Variants in VAT1L observed in about 807,000 individuals in gnomAD.
VAT1L encodes vesicle amine transport 1 like, also known as putative NADPH-dependent quinone oxidoreductase VAT1L.
VAT1L carries 34 observed loss-of-function variants against 44.1 expected under a neutral mutation model. That is an observed-to-expected ratio of 0.77 (90% CI 0.59 to 1.03). The LOEUF is 1.03. Among genes scored for constraint, VAT1L ranks in the 50% least tolerant of loss-of-function variants. The probability of loss-of-function intolerance (pLI) is 0.00; values close to 1 mark genes in which losing one functional copy is unlikely to be tolerated. For missense variants in VAT1L, 615 were observed against 538.8 expected, an observed-to-expected ratio of 1.14 and a Z score of -1.40; for synonymous variants, 253 against 202.2, an observed-to-expected ratio of 1.25 and a Z score of -2.13.
intron 7 of VAT1L, among the ~76,000 whole-genome samples, chr16:77,950,420 ACAC>A (rs2018028691): frequency 2.2e-5 from 1 of 45,680 alleles, no homozygotes; most frequent in African/African-American, 7.3e-5. Context: ...ACACACACAC[ACAC>A]ACACACACAC....
chr16:77,894,077 C>G (rs379930), intron 7 of VAT1L, among the ~76,000 whole-genome samples: 136,967 of 152,220 alleles, frequency 0.9, 62,096 homozygotes, highest in Non-Finnish European at 0.95. Flanking sequence ...AACCAGCTTT[C>G]AGACCTAGGC....
At chr16:77,896,390 T>C (rs2017325432) in intron 7 of VAT1L, among the ~76,000 whole-genome samples, 1 of 150,896 alleles carries the variant, frequency 6.6e-6, no homozygotes, top group South Asian at 2.2e-4. Flanking sequence ...GACATGTGCA[T>C]GGGCAATTTC....
At chr16:77,972,737 C>T (rs1330329806) in intron 8 of VAT1L, among the ~76,000 whole-genome samples, 2 of 151,578 alleles carry the variant, frequency 1.3e-5, no homozygotes, top group African/African-American at 2.4e-5. Context: ...GCCGTGATTG[C>T]GTCATTGCAC....
rs1298502405 is a variant in VAT1L, at chr16:77,890,769, A to C, written c.1077+5967A>C. On this transcript the variant is annotated intron_variant, in intron 7 of 8. Transcript: ENST00000302536. ...GATACCCCATCTCTACTAAAACTAC[A>C]AAATATTAGCCAGGCGTGGTGGTAC... Among the ~76,000 whole-genome samples the C allele has an allele frequency of 4.0e-5, 6 of 151,152 alleles. No homozygotes were observed. In the South Asian group the frequency reaches 1.1e-3, roughly 26 times the overall value.
chr16:77,848,914 A>G (rs2016782325), intron 3 of VAT1L, among the ~76,000 whole-genome samples: 1 of 152,214 alleles, frequency 6.6e-6, no homozygotes, highest in Non-Finnish European at 1.5e-5. Context: ...GCTGGAAACC[A>G]TCATTCTCAG....
At chr16:77,954,043 G>A (rs2018074566) in intron 7 of VAT1L, among the ~76,000 whole-genome samples, 1 of 152,130 alleles carries the variant, frequency 6.6e-6, no homozygotes. Flanking sequence ...CCACCACTGA[G>A]ATTCGTCCCT....
At chr16:77,870,476 A>G (rs2017019952) in intron 4 of VAT1L, among the ~76,000 whole-genome samples, 1 of 152,176 alleles carries the variant, frequency 6.6e-6, no homozygotes, top group Admixed American at 6.5e-5. Context: ...CCTCTGTTGG[A>G]ACCTACTGCC....
intron 7 of VAT1L, among the ~76,000 whole-genome samples, chr16:77,891,690 G>A (rs1303013639): frequency 6.6e-6 from 1 of 152,198 alleles, no homozygotes; most frequent in Non-Finnish European, 1.5e-5. Context: ...TACAGAGATA[G>A]ACTGGCCTGA....
At chr16:77,882,337 C>T (rs1180512394) in intron 6 of VAT1L, 1 of 152,212 alleles carries the variant, frequency 6.6e-6, no homozygotes, top group Non-Finnish European at 1.5e-5. Flanking sequence ...TATTTTCTTT[C>T]ACACCATAAC....
intron 7 of VAT1L, among the ~76,000 whole-genome samples, chr16:77,925,982 G>T (rs908891869): frequency 6.6e-6 from 1 of 152,160 alleles, no homozygotes; most frequent in Non-Finnish European, 1.5e-5. Context: ...AGGAGTCGGG[G>T]CCGGGTGCGG....
At chr16:77,839,149 T>C (rs1445885849) in intron 3 of VAT1L, among the ~76,000 whole-genome samples, 1 of 151,952 alleles carries the variant, frequency 6.6e-6, no homozygotes, top group African/African-American at 2.4e-5. Context: ...ATGACTGTGC[T>C]CAGGGACTAA....
intron 7 of VAT1L, among the ~76,000 whole-genome samples, chr16:77,929,262 C>G (rs1032784423): frequency 2.0e-5 from 3 of 152,148 alleles, no homozygotes; most frequent in Non-Finnish European, 4.4e-5. Flanking sequence ...AGACTTAGTA[C>G]TGCCTGAACA....
intron 2 of VAT1L, among the ~76,000 whole-genome samples, chr16:77,824,862 C>CTT (rs756573336): frequency 0.013 from 974 of 75,540 alleles, 47 homozygotes; most frequent in East Asian, 0.02. Flanking sequence ...CCCAATAATG[C>CTT]TTTTTTTTTT....
intron 7 of VAT1L, among the ~76,000 whole-genome samples, chr16:77,904,630 G>C (rs1378321506): frequency 6.6e-6 from 1 of 152,160 alleles, no homozygotes; most frequent in Non-Finnish European, 1.5e-5. Context: ...TCTAACCATT[G>C]CATTGGGGTT....
At chr16:77,804,391 G>C (rs2016118178) in intron 1 of VAT1L, among the ~76,000 whole-genome samples, 1 of 152,102 alleles carries the variant, frequency 6.6e-6, no homozygotes, top group Admixed American at 6.5e-5. Flanking sequence ...TGGCTTTTCT[G>C]TTTCTGCTGA....
chr16:77,974,402 A>C (rs1290554854), intron 8 of VAT1L, among the ~76,000 whole-genome samples: 1 of 152,218 alleles, frequency 6.6e-6, no homozygotes, highest in African/African-American at 2.4e-5. Context: ...TCCTGTGTCC[A>C]TCACACATGA....
chr16:77,790,463 T>C (rs938893643), intron 1 of VAT1L, among the ~76,000 whole-genome samples: 2 of 152,126 alleles, frequency 1.3e-5, no homozygotes, highest in African/African-American at 4.8e-5. Context: ...TATCGCTGAA[T>C]GAATGGATTG....
intron 3 of VAT1L, among the ~76,000 whole-genome samples, chr16:77,855,309 C>T (rs2016846944): frequency 6.7e-6 from 1 of 150,374 alleles, no homozygotes; most frequent in Admixed American, 6.6e-5. Context: ...CACTGCACTC[C>T]AGCCTGGGCA....
rs749533921 is a variant in VAT1L, at chr16:77,884,543, T to A, written c.883-65T>A. 652 of 1,513,858 alleles carry A rather than the reference T, an allele frequency of 4.3e-4. 2 individuals are homozygous for A. Among genetic ancestry groups the A allele is most frequent in the Non-Finnish European group, 5.5e-4 (619 of 1,115,892 alleles). 93.8% of individuals were successfully genotyped at this position (1,513,858 alleles called of 1,614,324 possible). On this transcript the variant is annotated intron_variant, in intron 6 of 8. Transcript: ENST00000302536. The surrounding 1 kb of genome is among the most constrained non-coding windows in gnomAD (Gnocchi z 4.5). ...CTGTAGTAGCTGATGACATCAGCAA[T>A]GCTGCCAATGTAGGCTTAACCCCGG...
Sources: allele counts gnomAD v4.1 joint callset (sites outside exome capture counted in the v4.1 genomes callset), GRCh38; gene constraint gnomAD v4.1.1; non-coding constraint Gnocchi (gnomAD v3.1); transcripts MANE v1.5; gene names NCBI Gene and HGNC (gene_info 2026-07-23, HGNC 2026-07-21).